The following SPATA6 variants were observed in gnomAD, a reference collection of about 807,000 sequenced individuals.
The protein encoded by SPATA6 is spermatogenesis associated 6.
Under a neutral mutation model 65.3 loss-of-function variants are expected in SPATA6, and 56 were observed. The observed-to-expected ratio is 0.86, with a 90% CI of 0.69 to 1.07. The LOEUF is 1.07. Among genes scored for constraint, SPATA6 ranks in the 50% least tolerant of loss-of-function variants. The probability of loss-of-function intolerance (pLI) is 0.00; values close to 1 mark genes in which losing one functional copy is unlikely to be tolerated. For synonymous variants in SPATA6, 199 were observed against 213.2 expected (o/e 0.93, Z 0.58); for missense variants, 590 against 594.8 (o/e 0.99, Z 0.08).
At chr1:48,434,492 A>T (rs566538758) in intron 3 of SPATA6, among the ~76,000 whole-genome samples, 1 of 152,328 alleles carries the variant, frequency 6.6e-6, no homozygotes, top group South Asian at 2.1e-4. Context: ...AGATCTAAAG[A>T]TAATAGAACA....
intron 11 of SPATA6, among the ~76,000 whole-genome samples, chr1:48,315,660 A>T (rs954619257): frequency 6.6e-6 from 1 of 152,184 alleles, no homozygotes; most frequent in African/African-American, 2.4e-5. Context: ...CACCACTCCT[A>T]TTCAACATAG....
intron 9 of SPATA6, among the ~76,000 whole-genome samples, chr1:48,371,131 AG>A (rs761352752): frequency 6.6e-6 from 1 of 152,212 alleles, no homozygotes; most frequent in African/African-American, 2.4e-5. Context: ...CAACATGACA[AG>A]GCAGTTTATT....
chr1:48,347,394 G>A (rs1362204300), intron 11 of SPATA6, among the ~76,000 whole-genome samples: 1 of 148,664 alleles, frequency 6.7e-6, no homozygotes, highest in Non-Finnish European at 1.5e-5. Context: ...TCACTACATA[G>A]GTACGGGCCT....
intron 11 of SPATA6, among the ~76,000 whole-genome samples, chr1:48,353,078 C>G (rs1271505303): frequency 6.6e-6 from 1 of 151,048 alleles, no homozygotes; most frequent in African/African-American, 2.4e-5. Context: ...ATTCTAGAAC[C>G]CAAATGGAAA....
chr1:48,449,440 G>C (rs954886720), intron 3 of SPATA6, among the ~76,000 whole-genome samples: 2 of 152,148 alleles, frequency 1.3e-5, no homozygotes, highest in Admixed American at 6.5e-5. Context: ...AACAAAATAA[G>C]CCAGAATCTA....
At position 48,401,360 on chromosome 1, in the gene SPATA6, T is replaced by C. The variant is rs1472500334; in HGVS notation, c.487-1716A>G. Among the ~76,000 whole-genome samples the C allele has an allele frequency of 5.9e-5, 9 of 152,242 alleles. No individual in the cohort carries two copies. In the East Asian group the frequency reaches 1.2e-3, roughly 20 times the overall value. On this transcript the variant is annotated intron_variant, in intron 6 of 12. Coordinates refer to ENST00000371847, the MANE Select transcript of SPATA6 (RefSeq NM_019073.4). ...TAAAGCTTTTAATACTGCATACTACTAGAGAAAGTTATAAATTACATACTA... is the reference window on the plus strand; with the variant it reads ...TAAAGCTTTTAATACTGCATACTACCAGAGAAAGTTATAAATTACATACTA...
chr1:48,364,645 G>T (rs1014353356), intron 9 of SPATA6, among the ~76,000 whole-genome samples: 1 of 151,996 alleles, frequency 6.6e-6, no homozygotes, highest in Non-Finnish European at 1.5e-5. Flanking sequence ...TTTTTGATGG[G>T]GTTGTTTTTT....
At chr1:48,364,295 A>G (rs1371324178) in intron 9 of SPATA6, among the ~76,000 whole-genome samples, 1 of 152,206 alleles carries the variant, frequency 6.6e-6, no homozygotes, top group Non-Finnish European at 1.5e-5. Context: ...AGCATGATTT[A>G]TATTCCTTTG....
intron 11 of SPATA6, among the ~76,000 whole-genome samples, chr1:48,347,620 A>G (rs1455502122): frequency 6.6e-6 from 1 of 151,408 alleles, no homozygotes; most frequent in African/African-American, 2.4e-5. Context: ...ATAGTTAAAC[A>G]ATAACCCATA....
the SPATA6 span, among the ~76,000 whole-genome samples, chr1:48,286,059 TTTTG>T: frequency 3.3e-5 from 5 of 152,204 alleles, no homozygotes; most frequent in Non-Finnish European, 7.3e-5. Context: ...GATTACACTG[TTTTG>T]TTTATTATAG....
the SPATA6 span, among the ~76,000 whole-genome samples, chr1:48,289,169 C>T: frequency 6.6e-6 from 1 of 152,334 alleles, no homozygotes; most frequent in South Asian, 2.1e-4. Flanking sequence ...GATCAGACAG[C>T]AACATTTGCT....
chr1:48,428,805 GTGTGTATA>G (rs1654096837), intron 3 of SPATA6, among the ~76,000 whole-genome samples: 1 of 112,714 alleles, frequency 8.9e-6, no homozygotes, highest in Non-Finnish European at 1.9e-5. Flanking sequence ...GTGTGTGTGT[GTGTGTATA>G]TGTATATATA....
the SPATA6 span, among the ~76,000 whole-genome samples, chr1:48,267,754 T>TTG: frequency 3.1e-5 from 3 of 95,330 alleles, no homozygotes; most frequent in East Asian, 8.1e-4. Context: ...GGGTCTGGGT[T>TTG]TTTTTTTTTT....
intron 5 of SPATA6, among the ~76,000 whole-genome samples, chr1:48,408,653 C>T (rs1309132194): frequency 6.6e-6 from 1 of 152,032 alleles, no homozygotes; most frequent in Non-Finnish European, 1.5e-5. Context: ...AAAGACATAC[C>T]TGAGAATGGG....
intron 11 of SPATA6, among the ~76,000 whole-genome samples, chr1:48,308,353 T>G (rs1229207081): frequency 1.3e-5 from 2 of 152,028 alleles, no homozygotes; most frequent in East Asian, 3.9e-4. Context: ...TCTTACATGT[T>G]TACAGTCCCT....
At chr1:48,387,266 A>T (rs1325066526) in intron 8 of SPATA6, among the ~76,000 whole-genome samples, 1 of 152,158 alleles carries the variant, frequency 6.6e-6, no homozygotes, top group Non-Finnish European at 1.5e-5. Flanking sequence ...ATGGGAATTC[A>T]AGATGAGATT....
intron 11 of SPATA6, among the ~76,000 whole-genome samples, chr1:48,319,450 T>C (rs567033618): frequency 6.6e-6 from 1 of 152,280 alleles, no homozygotes; most frequent in East Asian, 1.9e-4. Flanking sequence ...TGAGCGCCTC[T>C]GTCATGGAGA....
At chr1:48,268,330 G>T in the SPATA6 span, among the ~76,000 whole-genome samples, 1 of 140,658 alleles carries the variant, frequency 7.1e-6, no homozygotes, top group East Asian at 2.2e-4. Flanking sequence ...GTGTGTGTGT[G>T]TGTTTGTGTG....
intron 3 of SPATA6, among the ~76,000 whole-genome samples, chr1:48,445,656 T>G: frequency 1.7e-5 from 1 of 58,772 alleles, no homozygotes; most frequent in African/African-American, 1.0e-4. Flanking sequence ...TGAGACTCTG[T>G]CTCAAAAAAA....
Sources: allele counts gnomAD v4.1 joint callset (sites outside exome capture counted in the v4.1 genomes callset), GRCh38; gene constraint gnomAD v4.1.1; transcripts MANE v1.5; gene names NCBI Gene and HGNC (gene_info 2026-07-23, HGNC 2026-07-21).